The following CYLD variants were observed in gnomAD, a reference collection of about 807,000 sequenced individuals.
CYLD encodes the protein CYLD lysine 63 deubiquitinase.
A neutral mutation model predicts 104.5 loss-of-function variants in CYLD; 26 were observed. That is an observed-to-expected ratio of 0.25 (90% CI 0.18 to 0.35). The LOEUF is 0.35. Ranked by LOEUF, CYLD falls within the 10% of genes least tolerant of loss-of-function variation. The probability of loss-of-function intolerance (pLI) is 1.00; values close to 1 mark genes in which losing one functional copy is unlikely to be tolerated. For synonymous variants in CYLD, 385 were observed against 399.9 expected (o/e 0.96, Z 0.45); for missense variants, 703 against 1,136.1 (o/e 0.62, Z 5.48).
rs142744730 is a variant in CYLD at position 50,785,363 on chromosome 16, A to G, written c.1949+912A>G. On this transcript the variant is annotated intron_variant, in intron 12 of 18. Transcript: ENST00000427738. ...CAATGAGGATTCCAAATTATCTGCT[A>G]TATCACATGACTAGGAAAGTAAATT... 1.2e-4 allele frequency: 19 copies of G among 152,338 alleles called. No homozygotes were observed. The South Asian group carries it at 2.7e-3, about 22-fold the overall frequency. 9.4% of individuals were successfully genotyped at this position (152,338 alleles called of 1,614,324 possible). A position where few individuals can be genotyped will look rare whatever the true frequency, so the allele number is the denominator to read the frequency against.
rs572895229 is a variant in CYLD at position 50,800,695 on chromosome 16, A to C, written c.*4187A>C. 1 of 232,782 alleles carries C rather than the reference A, an allele frequency of 4.3e-6. No individual in the cohort carries two copies. Among genetic ancestry groups the C allele is most frequent in the Non-Finnish European group, 8.5e-6 (1 of 117,762 alleles). 14.4% of individuals were successfully genotyped at this position (232,782 alleles called of 1,614,324 possible). The stretch of plus-strand genomic sequence containing the variant: ...TCTTACCATTTGCTACTTTATAATG[A>C]AAATTTAAAAATTATATGGGAAGAT... On this transcript the variant is annotated 3_prime_UTR_variant, in exon 19 of 19. Coordinates refer to ENST00000427738, the MANE Select transcript of CYLD (RefSeq NM_001378743.1).
At chr16:50,774,759 C>A (rs571188463) in intron 5 of CYLD, among the ~76,000 whole-genome samples, 1 of 152,306 alleles carries the variant, frequency 6.6e-6, no homozygotes, top group African/African-American at 2.4e-5. Flanking sequence ...TTGTCTGTTT[C>A]TGCAATTTTT....
chr16:50,801,177 T>C lies in CYLD; in HGVS notation c.*4669T>C. The stretch of plus-strand genomic sequence containing the variant: ...AATCCTGGAGCAGCTGAAGGTTTTC[T>C]CTTGAGTCAGGATGCAGTGGTAATG... On this transcript the variant is annotated 3_prime_UTR_variant, in exon 19 of 19. Transcript: ENST00000427738. The C allele has an allele frequency of 4.3e-6, 1 of 233,482 alleles. No homozygotes were observed. Among genetic ancestry groups the C allele is most frequent in the Non-Finnish European group, 8.5e-6 (1 of 118,076 alleles). 14.5% of individuals were successfully genotyped at this position (233,482 alleles called of 1,614,324 possible).
chr16:50,755,056 TATAC>T (rs1354803333), intron 5 of CYLD, among the ~76,000 whole-genome samples: 2 of 126,106 alleles, frequency 1.6e-5, no homozygotes, highest in Non-Finnish European at 3.2e-5. Context: ...TATATGTATA[TATAC>T]ATATAGATAT....
chr16:50,767,405 G>A (rs1318193564), intron 5 of CYLD, among the ~76,000 whole-genome samples: 1 of 151,590 alleles, frequency 6.6e-6, no homozygotes, highest in Non-Finnish European at 1.5e-5. Context: ...CTTTATTGTG[G>A]TGGTCTGGAA....
chr16:50,778,502 G>A (rs1969904053), intron 8 of CYLD, among the ~76,000 whole-genome samples: 1 of 152,200 alleles, frequency 6.6e-6, no homozygotes, highest in Admixed American at 6.5e-5. Flanking sequence ...GCATGATGCT[G>A]TGAGAATACA....
chr16:50,751,748 G>T lies in CYLD; in HGVS notation c.649G>T (p.Ala217Ser), dbSNP rs773685620. The change falls in exon 4 of 19, where the codon GCA becomes TCA. Residue 217 changes from alanine (A) to serine (S), a missense_variant. Physicochemically the swap from Ala to Ser is moderately conservative, Grantham distance 99. Coordinates refer to ENST00000427738, the MANE Select transcript of CYLD (RefSeq NM_001378743.1). ...DDDTALESDY[A>S]GPGDTMQVEL... ...TGACACTGCATTGGAAAGTGATTAC[G>T]CAGGTCCTGGGGACACAATGCAGGT... 2 of 1,613,674 alleles carry T rather than the reference G, an allele frequency of 1.2e-6. No individual in the cohort carries two copies. The highest frequency in any genetic ancestry group is 2.2e-5 in the East Asian group (1 of 44,864).
At chr16:50,774,292 T>G (rs1029978951) in intron 5 of CYLD, among the ~76,000 whole-genome samples, 6 of 152,186 alleles carry the variant, frequency 3.9e-5, no homozygotes, top group Non-Finnish European at 7.4e-5. Context: ...GATATCTGAA[T>G]GACAACATCA....
At chr16:50,748,585 G>A (rs1309676290) in intron 2 of CYLD, among the ~76,000 whole-genome samples, 1 of 151,860 alleles carries the variant, frequency 6.6e-6, no homozygotes, top group African/African-American at 2.4e-5. Flanking sequence ...ATGAAAATTT[G>A]AAAAAGAAAT....
At chr16:50,754,980 CATAT>C (rs1169664176) in intron 5 of CYLD, among the ~76,000 whole-genome samples, 4 of 112,470 alleles carry the variant, frequency 3.6e-5, no homozygotes, top group Non-Finnish European at 5.3e-5. Context: ...TATATGTATA[CATAT>C]ATACATATAT....
chr16:50,791,471 T>C, intron 14 of CYLD, 87 bp from the exon 15 acceptor site: 1 of 1,444,710 alleles, frequency 6.9e-7, no homozygotes, highest in South Asian at 1.2e-5. Flanking sequence ...GTTTTTCTGT[T>C]CTCAAATACT....
intron 5 of CYLD, among the ~76,000 whole-genome samples, chr16:50,758,889 A>G (rs981015615): frequency 6.6e-6 from 1 of 152,198 alleles, no homozygotes; most frequent in African/African-American, 2.4e-5. Flanking sequence ...TGTTAATATT[A>G]TACGAATTCA....
In CYLD at chr16:50,794,881, G is replaced by A. The variant is rs191938263; in HGVS notation, c.2686+453G>A. The A allele has an allele frequency of 3.5e-5, 8 of 227,384 alleles. No homozygotes were observed. Among genetic ancestry groups the A allele is most frequent in the South Asian group, 1.8e-4 (3 of 16,386 alleles). 14.1% of individuals were successfully genotyped at this position (227,384 alleles called of 1,614,324 possible). ...AGTGATTAACCCTCCTTTTCCTCTC[G>A]ATGTGCTGGGATTACAAGAGGAGCC... On this transcript the variant is annotated intron_variant, in intron 18 of 18. Transcript: ENST00000427738. The surrounding 1 kb of genome is among the most constrained non-coding windows in gnomAD (Gnocchi z 4.1).
intron 5 of CYLD, among the ~76,000 whole-genome samples, chr16:50,754,904 C>T (rs916779956): frequency 1.4e-5 from 2 of 148,134 alleles, no homozygotes; most frequent in Non-Finnish European, 3.0e-5. Flanking sequence ...TATACATATA[C>T]ACACATATAT....
intron 11 of CYLD, 117 bp from the exon 12 acceptor site, chr16:50,784,212 T>C: frequency 8.6e-7 from 1 of 1,158,068 alleles, no homozygotes; most frequent in Non-Finnish European, 1.3e-6. Context: ...AAAACACAAA[T>C]TGTTATGTTA....
chr16:50,787,830 GT>G lies in CYLD; in HGVS notation c.2087del (p.Val696GlufsTer5). Reference protein sequence around the residue: ...LNILFHHILRVEPLLKIRSAG... With the variant: ...LNILFHHILRXEPLLKIRSAG... ...TATTCTGTTTCATCATATTTTAAGG[GT>G]AGAACCTTTGCTAAAAATAAGGTAA... is the stretch of plus-strand genomic sequence containing the variant. On this transcript the variant is annotated frameshift_variant, in exon 14 of 19. Transcript: ENST00000427738. LOFTEE classifies it high-confidence loss of function. 1 of 1,545,208 alleles carries G rather than the reference GT, an allele frequency of 6.5e-7. No individual in the cohort carries two copies. Among genetic ancestry groups the G allele is most frequent in the Non-Finnish European group, 8.9e-7 (1 of 1,120,696 alleles).
chr16:50,777,693 T>G, intron 7 of CYLD, 132 bp from the exon 8 acceptor site: 1 of 592,064 alleles, frequency 1.7e-6, no homozygotes, highest in South Asian at 2.3e-5. Context: ...AAAAAACATA[T>G]TGTGTTTATA....
rs1224172695 is a variant in CYLD at position 50,799,175 on chromosome 16, A to G, written c.*2667A>G. 4.3e-6 allele frequency: 1 copy of G among 233,336 alleles called. No individual in the cohort carries two copies. Among genetic ancestry groups the G allele is most frequent in the East Asian group, 6.0e-5 (1 of 16,726 alleles). The allele number at this position is 233,336 out of a possible 1,614,324, so 14.5% of individuals were successfully genotyped here. A position where few individuals can be genotyped will look rare whatever the true frequency, so the allele number is the denominator to read the frequency against. ...TTTGGTTATCTTTTATTCCTTATCT[A>G]CAATCAAGATGACAATGTAATTGAA... On this transcript the variant is annotated 3_prime_UTR_variant, in exon 19 of 19. Coordinates refer to ENST00000427738, the MANE Select transcript of CYLD (RefSeq NM_001378743.1).
At position 50,796,310 on chromosome 16, in the gene CYLD, C is replaced by T. The variant is rs768920617; in HGVS notation, c.2687-14C>T. ...CTTGACTGCCCTATAAAGAGTTCTTCCTCTGTGCCATAGGTGGTCAGAATG... is the reference window on the plus strand; with the variant it reads ...CTTGACTGCCCTATAAAGAGTTCTTTCTCTGTGCCATAGGTGGTCAGAATG... On this transcript the variant is annotated splice_polypyrimidine_tract_variant and intron_variant, in intron 18 of 18. Transcript: ENST00000427738. The T allele has an allele frequency of 4.3e-6, 7 of 1,613,884 alleles. No homozygotes were observed. The highest frequency in any genetic ancestry group is 3.3e-5 in the South Asian group (3 of 91,070).
Sources: allele counts gnomAD v4.1 joint callset (sites outside exome capture counted in the v4.1 genomes callset), GRCh38; gene constraint gnomAD v4.1.1; non-coding constraint Gnocchi (gnomAD v3.1); transcripts MANE v1.5; gene names NCBI Gene and HGNC (gene_info 2026-07-23, HGNC 2026-07-21).